The following KAZN variants were observed in gnomAD, a reference collection of about 807,000 sequenced individuals.
KAZN encodes the protein kazrin, periplakin interacting protein.
In KAZN, 40 loss-of-function variants were observed where a neutral mutation model predicts 87.4. The ratio of observed to expected loss-of-function variants is 0.46; its 90% CI spans 0.36 to 0.60. The LOEUF (loss-of-function observed/expected upper bound fraction) is 0.60, where lower values mean the gene tolerates loss of function less well. Ranked by LOEUF, KAZN falls within the 20% of genes least tolerant of loss-of-function variation. KAZN has a pLI of 0.00. For synonymous variants in KAZN, 466 were observed against 458.3 expected, an observed-to-expected ratio of 1.02 and a Z score of -0.22; for missense variants, 898 against 1,073.9, an observed-to-expected ratio of 0.84 and a Z score of 2.29.
At chr1:14,643,173 CTT>C (rs1350085033) in intron 1 of KAZN, among the ~76,000 whole-genome samples, 2 of 152,090 alleles carry the variant, frequency 1.3e-5, no homozygotes, top group Non-Finnish European at 2.9e-5. Context: ...TTTTTTTTAA[CTT>C]TTATTTTAGG....
intron 2 of KAZN, among the ~76,000 whole-genome samples, chr1:15,030,516 C>T (rs1282781132): frequency 6.6e-6 from 1 of 152,318 alleles, no homozygotes; most frequent in Non-Finnish European, 1.5e-5. Context: ...CTCCGCTCGC[C>T]TCTCAAAGTG....
chr1:14,568,935 C>T (rs1674697094), intron 2 of KAZN, among the ~76,000 whole-genome samples: 1 of 152,202 alleles, frequency 6.6e-6, no homozygotes, highest in African/African-American at 2.4e-5. Flanking sequence ...TTTCCATTAG[C>T]CCTGGGGAAA....
At position 14,600,136 on chromosome 1, in the gene KAZN, A is replaced by G. The variant is rs529329580; in HGVS notation, c.226+913A>G. On this transcript the variant is annotated intron_variant, in intron 1 of 14. Transcript: ENST00000376030. ...TCTTTTTGCCTAATTGCCCTTTAAG[A>G]AACAGTATCACTGGTTATTAATATC... Among the ~76,000 whole-genome samples the G allele has an allele frequency of 8.5e-5, 13 of 152,242 alleles. No homozygotes were observed. The South Asian group carries it at 2.5e-3, about 29-fold the overall frequency.
chr1:14,596,011 G>A (rs1044784318), upstream of KAZN, among the ~76,000 whole-genome samples: 2 of 151,956 alleles, frequency 1.3e-5, no homozygotes, highest in Admixed American at 1.3e-4. Flanking sequence ...AGATTTTTTT[G>A]TTTTGATTTG....
intron 2 of KAZN, among the ~76,000 whole-genome samples, chr1:14,205,246 G>A (rs1021966302): frequency 6.6e-6 from 1 of 152,206 alleles, no homozygotes; most frequent in Non-Finnish European, 1.5e-5. Context: ...GTTCTCAGGA[G>A]AGCGAGGAAA....
intron 1 of KAZN, among the ~76,000 whole-genome samples, chr1:14,678,314 G>T (rs1027688144): frequency 3.3e-5 from 5 of 152,128 alleles, no homozygotes; most frequent in Non-Finnish European, 7.3e-5. Flanking sequence ...CGTACTGGAG[G>T]CTTCCTACCC....
chr1:14,287,375 A>G (rs766651858), intron 2 of KAZN, among the ~76,000 whole-genome samples: 3 of 152,118 alleles, frequency 2.0e-5, no homozygotes, highest in Non-Finnish European at 4.4e-5. Context: ...GGCATAATGC[A>G]CCTAGGAATG....
intron 1 of KAZN, among the ~76,000 whole-genome samples, chr1:13,898,020 G>A (rs564911341): frequency 6.6e-5 from 10 of 152,286 alleles, no homozygotes; most frequent in African/African-American, 1.2e-4. Context: ...GGAGGCTGCC[G>A]CTGTCCATTC....
chr1:14,410,959 G>C (rs190876777), intron 2 of KAZN, among the ~76,000 whole-genome samples: 29 of 152,356 alleles, frequency 1.9e-4, no homozygotes, highest in African/African-American at 7.0e-4. Context: ...AATTTCTGTT[G>C]TTTAAGCCGC....
chr1:14,810,442 C>T (rs1646371168), intron 1 of KAZN, among the ~76,000 whole-genome samples: 1 of 152,118 alleles, frequency 6.6e-6, no homozygotes, highest in Non-Finnish European at 1.5e-5. Context: ...CAGCCCCCAG[C>T]CATTGTTTGG....
At chr1:14,740,471 G>T (rs1644059174) in intron 1 of KAZN, among the ~76,000 whole-genome samples, 1 of 152,024 alleles carries the variant, frequency 6.6e-6, no homozygotes, top group African/African-American at 2.4e-5. Flanking sequence ...CTCTTCTCTG[G>T]ATTATGACAG....
At chr1:14,685,607 A>G (rs147031411) in intron 1 of KAZN, among the ~76,000 whole-genome samples, 2 of 152,236 alleles carry the variant, frequency 1.3e-5, no homozygotes, top group Admixed American at 6.5e-5. Context: ...TCGCCTGCTC[A>G]GAGTCACTTG....
chr1:14,131,832 C>A (rs1644998364), intron 1 of KAZN, among the ~76,000 whole-genome samples: 1 of 152,082 alleles, frequency 6.6e-6, no homozygotes, highest in Admixed American at 6.6e-5. Context: ...GCTTTGTCCT[C>A]TGGATCTGCT....
chr1:13,997,916 CA>C (rs1639602117), intron 1 of KAZN, among the ~76,000 whole-genome samples: 1 of 152,116 alleles, frequency 6.6e-6, no homozygotes, highest in African/African-American at 2.4e-5. Context: ...GACACATAAT[CA>C]TCAGATTCTC....
intron 2 of KAZN, among the ~76,000 whole-genome samples, chr1:15,010,217 A>G (rs1011367633): frequency 4.6e-5 from 7 of 152,136 alleles, no homozygotes; most frequent in African/African-American, 1.4e-4. Flanking sequence ...TTGCATCCCC[A>G]TGGTGTCCTT....
Position 14,773,395 on chromosome 1 carries a change from C to G in KAZN, c.226+174172C>G, listed in dbSNP as rs1187435313. On this transcript the variant is annotated intron_variant, in intron 1 of 14. Transcript: ENST00000376030. This position sits in a 1 kb window ranked among gnomAD's most constrained non-coding sequence, Gnocchi z 5.9. ...AAATGGCTTTCAACAACGCCCTCCA[C>G]TCCACGGGGTCTCCCTTCTTGTAGC... Among the ~76,000 whole-genome samples the G allele has an allele frequency of 6.6e-6, 1 of 152,162 alleles. No individual in the cohort carries two copies. The highest frequency in any genetic ancestry group is 1.5e-5 in the Non-Finnish European group (1 of 68,044).
chr1:14,212,622 C>A (rs573644006), intron 2 of KAZN, among the ~76,000 whole-genome samples: 2 of 152,192 alleles, frequency 1.3e-5, no homozygotes, highest in South Asian at 4.1e-4. Context: ...ATCCCAGCTG[C>A]CAGCAGGGAA....
intron 2 of KAZN, among the ~76,000 whole-genome samples, chr1:14,349,968 C>G (rs1046389875): frequency 1.3e-5 from 2 of 151,932 alleles, no homozygotes; most frequent in African/African-American, 4.8e-5. Flanking sequence ...AAACCCGTCC[C>G]TACTGAAAAT....
At chr1:14,123,233 C>A (rs1480245972) in intron 1 of KAZN, among the ~76,000 whole-genome samples, 1 of 152,136 alleles carries the variant, frequency 6.6e-6, no homozygotes, top group East Asian at 1.9e-4. Context: ...TTTTTGAGTA[C>A]ATAAAATGAA....
Sources: gnomAD v4.1 joint callset for allele counts (sites outside exome capture counted in the v4.1 genomes callset) on GRCh38, gnomAD v4.1.1 for gene constraint, Gnocchi (gnomAD v3.1) non-coding constraint, MANE v1.5 for transcripts, NCBI Gene and HGNC (gene_info 2026-07-23, HGNC 2026-07-21) for gene names.